TEP1: variants seen among roughly 807,000 people sequenced by gnomAD.
TEP1 encodes the protein telomerase protein component 1.
Under a neutral mutation model 306.3 loss-of-function variants are expected in TEP1, and 241 were observed. That is an observed-to-expected ratio of 0.79 (90% CI 0.71 to 0.88). The LOEUF (loss-of-function observed/expected upper bound fraction) is 0.88, where lower values mean the gene tolerates loss of function less well. TEP1 is among the 40% of genes least tolerant of loss of function. The pLI is 0.00. For synonymous variants in TEP1, 1,289 were observed against 1,305.5 expected, an observed-to-expected ratio of 0.99 and a Z score of 0.27; for missense variants, 3,051 against 3,276.1, an observed-to-expected ratio of 0.93 and a Z score of 1.68.
intron 11 of TEP1, 94 bp downstream of exon 11, chr14:20,395,759 CCTGAGA>C: frequency 6.6e-7 from 1 of 1,509,338 alleles, no homozygotes; most frequent in Non-Finnish European, 9.1e-7. Context: ...CCCGATACAC[CCTGAGA>C]CTGCAAAGCA....
At chr14:20,379,658 T>A (rs916959278) in intron 35 of TEP1, among the ~76,000 whole-genome samples, 3 of 152,212 alleles carry the variant, frequency 2.0e-5, no homozygotes, top group Non-Finnish European at 2.9e-5. Flanking sequence ...GTATGTCTTA[T>A]CTCCCAACAA....
chr14:20,401,609 G>C (rs375542171), intron 7 of TEP1, 28 bp from the exon 8 acceptor site: 3 of 1,612,566 alleles, frequency 1.9e-6, no homozygotes, highest in East Asian at 2.2e-5. Flanking sequence ...AGTCCCACAG[G>C]GGTCCTTTCA....
rs138309889 is a variant in TEP1 at position 20,380,530 on chromosome 14, A to T, written c.4763-55T>A. On this transcript the variant is annotated intron_variant, in intron 33 of 54. Coordinates refer to ENST00000262715, the MANE Select transcript of TEP1 (RefSeq NM_007110.5). ...GAGCCAGCTGGACCCCATTAGCCCC[A>T]GCACCAAATAAAACCATATGGTGTG... 288 of 1,557,666 alleles carry T rather than the reference A, an allele frequency of 1.8e-4. 1 individual carries two copies. The African/African-American group carries it at 3.2e-3, about 17-fold the overall frequency.
At chr14:20,406,773 G>C (rs372051861) in intron 2 of TEP1, among the ~76,000 whole-genome samples, 12 of 152,314 alleles carry the variant, frequency 7.9e-5, no homozygotes, top group African/African-American at 2.9e-4. Flanking sequence ...GCAGCCTTGG[G>C]CTGCTTAACC....
At chr14:20,385,942 C>T in intron 20 of TEP1, 133 bp downstream of exon 20, 1 of 1,319,628 alleles carries the variant, frequency 7.6e-7, no homozygotes, top group Non-Finnish European at 1.0e-6. Context: ...GTATCTTCAG[C>T]CTGTATTTCA....
Position 20,401,454 on chromosome 14 carries a change from C to A in TEP1, c.1391+3G>T. The A allele has an allele frequency of 6.2e-7, 1 of 1,613,822 alleles. No homozygotes were observed. The highest frequency in any genetic ancestry group is 8.5e-7 in the Non-Finnish European group (1 of 1,179,920). Reference sequence around the variant, plus strand: ...AATGCATGCTCAGGGTGCAGCTTCTCACCTGTAACCCAGCAGGGCTTGAAC... The same window carrying A: ...AATGCATGCTCAGGGTGCAGCTTCTAACCTGTAACCCAGCAGGGCTTGAAC... On this transcript the variant is annotated splice_donor_region_variant and intron_variant, in intron 8 of 54. Coordinates refer to ENST00000262715, the MANE Select transcript of TEP1 (RefSeq NM_007110.5).
At chr14:20,373,467 T>C (rs1265380773) in intron 46 of TEP1, 40 bp downstream of exon 46, 1 of 1,614,044 alleles carries the variant, frequency 6.2e-7, no homozygotes, top group Admixed American at 1.7e-5. Flanking sequence ...TCCGCATACC[T>C]TCCCCACCTC....
chr14:20,376,024 G>A lies in TEP1; in HGVS notation c.6249+80C>T, dbSNP rs1179215747. 5 of 1,556,494 alleles carry A rather than the reference G, an allele frequency of 3.2e-6. No individual in the cohort carries two copies. The Admixed American group carries it at 5.4e-5, about 17-fold the overall frequency. ...TTGGCAAAACAAAAAGCAGGAGGAA[G>A]CAATGGGAAATGGGTTGTTAAGAAA... On this transcript the variant is annotated intron_variant, in intron 42 of 54. Transcript: ENST00000262715.
Position 20,373,778 on chromosome 14 carries a change from C to T in TEP1, c.6504G>A (p.Gly2168=). Residue 2168 remains glycine (G), a synonymous_variant, in exon 45 of 55, where the codon GGG becomes GGA. Transcript: ENST00000262715. ...EEHVVSVSRD[G]TLKVWDHQGV... ...CTTGATGGTCCCACACTTTCAAGGT[C>T]CCATCCCGGCTCACAGACACCACGT... is the stretch of plus-strand genomic sequence containing the variant. The T allele has an allele frequency of 1.2e-6, 2 of 1,613,724 alleles. No individual in the cohort carries two copies. Among genetic ancestry groups the T allele is most frequent in the Non-Finnish European group, 1.7e-6 (2 of 1,180,006 alleles).
At chr14:20,398,654 ATTCTT>A (rs1359911962) in intron 9 of TEP1, among the ~76,000 whole-genome samples, 1 of 152,162 alleles carries the variant, frequency 6.6e-6, no homozygotes, top group African/African-American at 2.4e-5. Context: ...TACTGGGAAA[ATTCTT>A]TTCTTTTAGA....
chr14:20,412,426 T>C (rs1021169557), intron 1 of TEP1, among the ~76,000 whole-genome samples: 6 of 152,220 alleles, frequency 3.9e-5, no homozygotes, highest in Admixed American at 1.3e-4. Context: ...GAGATTCGGC[T>C]GAACCACAAA....
At position 20,383,902 on chromosome 14, in the gene TEP1, G is replaced by A; in HGVS notation, c.3551C>T (p.Ala1184Val). The change falls in exon 25 of 55, where the codon GCC becomes GTC. Residue 1184 changes from alanine (A) to valine (V), a missense_variant. Around this residue, in one of 3 missense-constraint regions of TEP1, gnomAD observed 1,507 missense variants for 1,550.5 expected, o/e 0.97. Coordinates refer to ENST00000262715, the MANE Select transcript of TEP1 (RefSeq NM_007110.5). ...KTAFLASLVS[A>V]LQAPDGAKVA... ...CTTGGCCCCATCAGGAGCCTGCAGG[G>A]CTGACACAAGAGATGCCTGCATGGG... 1.2e-6 allele frequency: 2 copies of A among 1,600,032 alleles called. No individual in the cohort carries two copies. The highest frequency in any genetic ancestry group is 2.2e-5 in the East Asian group (1 of 44,796).
At chr14:20,379,901 T>C (rs964522304) in intron 35 of TEP1, 29 bp downstream of exon 35, 1 of 1,595,732 alleles carries the variant, frequency 6.3e-7, no homozygotes, top group Admixed American at 1.8e-5. Flanking sequence ...TTTCAGAGGG[T>C]AAATTCTGCC....
In TEP1 at chr14:20,386,635, C is replaced by A; in HGVS notation, c.2685-12G>T. The A allele has an allele frequency of 1.3e-6, 2 of 1,583,062 alleles. No individual in the cohort carries two copies. Among genetic ancestry groups the A allele is most frequent in the Non-Finnish European group, 1.7e-6 (2 of 1,161,746 alleles). On this transcript the variant is annotated splice_polypyrimidine_tract_variant and intron_variant, in intron 18 of 54. Transcript: ENST00000262715. ...GGATGCTGCGCCATCTGGGGATAAG[C>A]AGAGAGCTGGGCTCAGTCTAGGGAT...
chr14:20,371,660 A>G (rs1489097744), intron 49 of TEP1, 28 bp from the exon 50 acceptor site: 3 of 1,541,120 alleles, frequency 1.9e-6, no homozygotes, highest in Non-Finnish European at 2.6e-6. Flanking sequence ...ATGGACAGAG[A>G]AAGATCCTAT....
intron 5 of TEP1, 91 bp from the exon 6 acceptor site, chr14:20,403,975 C>A: frequency 6.5e-7 from 1 of 1,542,498 alleles, no homozygotes; most frequent in Non-Finnish European, 8.8e-7. Context: ...TACACGAGAG[C>A]ACAGAGTAGC....
In TEP1 at chr14:20,390,715, T is replaced by C. The variant is rs765456262; in HGVS notation, c.2300A>G (p.Lys767Arg). 6.2e-7 allele frequency: 1 copy of C among 1,614,196 alleles called. No homozygotes were observed. The highest frequency in any genetic ancestry group is 1.1e-5 in the South Asian group (1 of 91,086). ...TTGGCCAGCCAGAGACAGCAGGTATTTCCCAAAAGTATTCAGGGACCATCC... is the reference window on the plus strand; with the variant it reads ...TTGGCCAGCCAGAGACAGCAGGTATCTCCCAAAAGTATTCAGGGACCATCC... Reference protein sequence around the residue: ...NDGWSLNTFGKYLLSLAGQRV... With the variant: ...NDGWSLNTFGRYLLSLAGQRV... The change falls in exon 15 of 55, where the codon AAA becomes AGA. Residue 767 changes from lysine to arginine, a missense_variant. Coordinates refer to ENST00000262715, the MANE Select transcript of TEP1 (RefSeq NM_007110.5).
rs762456085 is a variant in TEP1, at chr14:20,408,251, T to A, written c.189A>T (p.Lys63Asn). 1.9e-6 allele frequency: 3 copies of A among 1,613,374 alleles called. No individual in the cohort carries two copies. The highest frequency in any genetic ancestry group is 2.2e-5 in the East Asian group (1 of 44,880). Residue 63 changes from lysine (K) to asparagine (N), a missense_variant, in exon 2 of 55, where the codon AAA becomes AAT. Transcript: ENST00000262715. ...ATLPDLKTME[K>N]PHGYVSAHPD... ...GGTGGGCAGACACATATCCATGTGGTTTTTCCATGGTCTTCAGGTCAGGAA... is the reference window on the plus strand; with the variant it reads ...GGTGGGCAGACACATATCCATGTGGATTTTCCATGGTCTTCAGGTCAGGAA...
chr14:20,383,999 C>A (rs1306279008), intron 24 of TEP1, 39 bp downstream of exon 24: 7 of 1,584,140 alleles, frequency 4.4e-6, no homozygotes, highest in Admixed American at 1.7e-5. Context: ...GCCCACACAG[C>A]CTTCCCTCCC....
Sources: gnomAD v4.1 joint callset for allele counts (sites outside exome capture counted in the v4.1 genomes callset) on GRCh38, gnomAD v4.1.1 for gene constraint, gnomAD v4.1.1 regional missense constraint, MANE v1.5 for transcripts, NCBI Gene and HGNC (gene_info 2026-07-23, HGNC 2026-07-21) for gene names.